CPNE4: variants seen among roughly 807,000 people sequenced by gnomAD.
CPNE4 encodes copine-4.
In CPNE4, 25 loss-of-function variants were observed where a neutral mutation model predicts 67.9. The ratio of observed to expected loss-of-function variants is 0.37; its 90% CI spans 0.27 to 0.51. The LOEUF (loss-of-function observed/expected upper bound fraction) is 0.51, where lower values mean the gene tolerates loss of function less well. CPNE4 is among the 20% of genes least tolerant of loss of function. The pLI, the probability that CPNE4 is intolerant of heterozygous loss-of-function variation, is 0.93. For missense variants in CPNE4, 464 were observed against 690.8 expected, an observed-to-expected ratio of 0.67 and a Z score of 3.68; for synonymous variants, 242 against 244.9, an observed-to-expected ratio of 0.99 and a Z score of 0.11.
intron 2 of CPNE4, among the ~76,000 whole-genome samples, chr3:131,747,407 G>A (rs1342283894): frequency 6.6e-6 from 1 of 151,910 alleles, no homozygotes; most frequent in Non-Finnish European, 1.5e-5. Context: ...TGTAGTTTCA[G>A]GTCTTACATT....
At chr3:131,660,528 G>T (rs534918769) in intron 7 of CPNE4, among the ~76,000 whole-genome samples, 1 of 152,270 alleles carries the variant, frequency 6.6e-6, no homozygotes, top group Non-Finnish European at 1.5e-5. Flanking sequence ...CCACATGTGG[G>T]TAGTGGCTAC....
intron 2 of CPNE4, among the ~76,000 whole-genome samples, chr3:131,886,656 G>A (rs1459571880): frequency 6.6e-6 from 1 of 152,192 alleles, no homozygotes; most frequent in East Asian, 1.9e-4. Context: ...CCACAGGGGT[G>A]GAGCTGCCCA....
At chr3:131,729,816 A>G (rs1488537351) in intron 2 of CPNE4, among the ~76,000 whole-genome samples, 1 of 152,178 alleles carries the variant, frequency 6.6e-6, no homozygotes, top group Non-Finnish European at 1.5e-5. Flanking sequence ...AGTTCCTAGG[A>G]CTAAAAAAAT....
chr3:131,793,696 T>C (rs1243464413), intron 2 of CPNE4, among the ~76,000 whole-genome samples: 1 of 152,222 alleles, frequency 6.6e-6, no homozygotes, highest in African/African-American at 2.4e-5. Flanking sequence ...TTCTGGAATA[T>C]TTAATACTCA....
intron 7 of CPNE4, among the ~76,000 whole-genome samples, chr3:131,630,358 G>C (rs577812598): frequency 1.8e-4 from 28 of 152,344 alleles, no homozygotes; most frequent in Admixed American, 4.6e-4. Flanking sequence ...TGGTACTCTG[G>C]AAAGAGAAAC....
chr3:131,713,008 A>G (rs1416499317), intron 3 of CPNE4, among the ~76,000 whole-genome samples: 1 of 152,198 alleles, frequency 6.6e-6, no homozygotes, highest in Non-Finnish European at 1.5e-5. Flanking sequence ...CCCAGGTGGC[A>G]TAAGTGGCTC....
intron 2 of CPNE4, among the ~76,000 whole-genome samples, chr3:131,848,908 C>T (rs1035348552): frequency 9.1e-5 from 11 of 120,512 alleles, no homozygotes; most frequent in African/African-American, 2.8e-4. Context: ...TTGAAGAAGG[C>T]GTTTTTTTTT....
intron 2 of CPNE4, among the ~76,000 whole-genome samples, chr3:131,853,369 TTG>T (rs149096009): frequency 3.3e-5 from 5 of 150,956 alleles, no homozygotes; most frequent in Non-Finnish European, 3.0e-5. Context: ...AACTCGATAC[TTG>T]TGTGTGTGTG....
chr3:131,653,868 T>A (rs2079881251), intron 7 of CPNE4, among the ~76,000 whole-genome samples: 1 of 152,198 alleles, frequency 6.6e-6, no homozygotes, highest in Non-Finnish European at 1.5e-5. Context: ...ATTTTGTGAC[T>A]GAAAAAGTCT....
At chr3:131,989,106 G>A (rs1039347891) in intron 1 of CPNE4, among the ~76,000 whole-genome samples, 2 of 152,202 alleles carry the variant, frequency 1.3e-5, no homozygotes, top group African/African-American at 4.8e-5. Context: ...TTTTAAAGGT[G>A]TGTTCAAAGC....
intron 2 of CPNE4, among the ~76,000 whole-genome samples, chr3:131,760,118 A>G (rs1251833602): frequency 6.6e-6 from 1 of 152,234 alleles, no homozygotes; most frequent in African/African-American, 2.4e-5. Context: ...TTTTTAAAAA[A>G]GAATCAATTC....
At chr3:131,782,852 C>T (rs2083461569) in intron 2 of CPNE4, among the ~76,000 whole-genome samples, 1 of 152,082 alleles carries the variant, frequency 6.6e-6, no homozygotes, top group Non-Finnish European at 1.5e-5. Flanking sequence ...ATATGCACCT[C>T]CTGGCTTGGA....
At chr3:131,915,440 G>T (rs929755241) in intron 1 of CPNE4, among the ~76,000 whole-genome samples, 1 of 152,030 alleles carries the variant, frequency 6.6e-6, no homozygotes, top group African/African-American at 2.4e-5. Context: ...AGAACTTAAG[G>T]TCCCTCCTCT....
chr3:131,975,606 GAAATA>G (rs2072629007), intron 1 of CPNE4, among the ~76,000 whole-genome samples: 1 of 152,176 alleles, frequency 6.6e-6, no homozygotes, highest in Non-Finnish European at 1.5e-5. Flanking sequence ...CTACACTGCA[GAAATA>G]AACACCGTGA....
At chr3:131,874,647 C>A (rs2087363246) in intron 2 of CPNE4, among the ~76,000 whole-genome samples, 1 of 152,072 alleles carries the variant, frequency 6.6e-6, no homozygotes, top group South Asian at 2.1e-4. Flanking sequence ...ATAAATTGGG[C>A]TGAATTTAAA....
At chr3:131,723,987 C>T (rs1289080003) in intron 2 of CPNE4, among the ~76,000 whole-genome samples, 1 of 152,092 alleles carries the variant, frequency 6.6e-6, no homozygotes, top group Non-Finnish European at 1.5e-5. Context: ...TTTGAGTACA[C>T]TGGGTTTATG....
intron 7 of CPNE4, among the ~76,000 whole-genome samples, chr3:131,642,624 G>A (rs2079567705): frequency 6.6e-6 from 1 of 152,154 alleles, no homozygotes; most frequent in African/African-American, 2.4e-5. Context: ...CCCAGTGGGA[G>A]GTAATTGAAT....
At chr3:131,970,148 T>C (rs1205655124) in intron 1 of CPNE4, among the ~76,000 whole-genome samples, 1 of 152,230 alleles carries the variant, frequency 6.6e-6, no homozygotes, top group Admixed American at 6.5e-5. Flanking sequence ...AGAATCAGTA[T>C]ATGAGCTGCC....
chr3:131,823,532 T>C (rs986673833), intron 2 of CPNE4, among the ~76,000 whole-genome samples: 32 of 152,210 alleles, frequency 2.1e-4, no homozygotes, highest in African/African-American at 7.5e-4. Context: ...GTCAGAACTT[T>C]CATTTTCACT....
Sources: allele counts gnomAD v4.1 joint callset (sites outside exome capture counted in the v4.1 genomes callset), GRCh38; gene constraint gnomAD v4.1.1; transcripts MANE v1.5; gene names NCBI Gene and HGNC (gene_info 2026-07-23, HGNC 2026-07-21).